MYO10: variants seen among roughly 807,000 people sequenced by gnomAD.
MYO10 encodes the protein myosin X, also known as unconventional myosin-X.
In MYO10, 133 loss-of-function variants were observed where a neutral mutation model predicts 257.3. The ratio of observed to expected loss-of-function variants is 0.52; its 90% CI spans 0.45 to 0.60. The LOEUF (loss-of-function observed/expected upper bound fraction) is 0.60. MYO10 is among the 20% of genes least tolerant of loss of function. The pLI, the probability that MYO10 is intolerant of heterozygous loss-of-function variation, is 0.00. For synonymous variants in MYO10, 1,104 were observed against 1,028.6 expected, an observed-to-expected ratio of 1.07 and a Z score of -1.40; for missense variants, 2,399 against 2,635.7, an observed-to-expected ratio of 0.91 and a Z score of 1.97.
At chr5:16,903,327 C>T (rs985871472) in intron 1 of MYO10, among the ~76,000 whole-genome samples, 2 of 152,194 alleles carry the variant, frequency 1.3e-5, no homozygotes, top group African/African-American at 4.8e-5. Flanking sequence ...ATCACTTGAA[C>T]CTGGGAGGCG....
Position 16,701,002 on chromosome 5 carries a change from C to T in MYO10, c.3393G>A (p.Ser1131=), listed in dbSNP as rs374205465. 46 of 1,560,054 alleles carry T rather than the reference C, an allele frequency of 2.9e-5. No individual in the cohort carries two copies. Among genetic ancestry groups the T allele is most frequent in the African/African-American group, 1.4e-4 (10 of 73,412 alleles). Residue 1131 remains serine (S), a synonymous_variant, in exon 25 of 41, where the codon TCG becomes TCA. Transcript: ENST00000513610. The surrounding 1 kb of genome is among the most constrained non-coding windows in gnomAD (Gnocchi z 8.1). Reference sequence around the variant, plus strand: ...CCTCAGAGCTGAACCGGTAGGCACCCGAGCTGTTGTAGGTCCCCACAGAGC... The same window carrying T: ...CCTCAGAGCTGAACCGGTAGGCACCTGAGCTGTTGTAGGTCCCCACAGAGC... The part of the protein sequence containing the change: ...YRCSVGTYNS[S]GAYRFSSEGA...
At chr5:16,882,049 A>G (rs1349116258) in intron 1 of MYO10, among the ~76,000 whole-genome samples, 1 of 152,226 alleles carries the variant, frequency 6.6e-6, no homozygotes, top group African/African-American at 2.4e-5. Context: ...AATTTCTGAG[A>G]CAAATATGTG....
chr5:16,780,071 T>G (rs1015529298), intron 8 of MYO10, among the ~76,000 whole-genome samples: 2 of 152,020 alleles, frequency 1.3e-5, no homozygotes, highest in African/African-American at 4.8e-5. Flanking sequence ...CTGGCTAATT[T>G]TTGTGTTTTT....
intron 27 of MYO10, among the ~76,000 whole-genome samples, chr5:16,693,592 C>T (rs1737605450): frequency 6.6e-6 from 1 of 152,208 alleles, no homozygotes; most frequent in Non-Finnish European, 1.5e-5. Flanking sequence ...ACTTTTAAGG[C>T]TCCTGACTTC....
chr5:16,669,411 A>G (rs576580522), intron 39 of MYO10, among the ~76,000 whole-genome samples: 12 of 152,134 alleles, frequency 7.9e-5, no homozygotes, highest in East Asian at 1.9e-4. Flanking sequence ...TCACCGTGTT[A>G]GCCAGGATGG....
At chr5:16,833,815 AGAGT>A (rs1239094084) in intron 2 of MYO10, among the ~76,000 whole-genome samples, 2 of 152,234 alleles carry the variant, frequency 1.3e-5, no homozygotes, top group African/African-American at 4.8e-5. Context: ...TAGTGCAAAC[AGAGT>A]GAGATCATGC....
intron 19 of MYO10, among the ~76,000 whole-genome samples, chr5:16,714,919 G>A (rs1018968776): frequency 6.6e-6 from 1 of 152,156 alleles, no homozygotes; most frequent in Admixed American, 6.6e-5. Context: ...ACAACAGGGT[G>A]ACTATAGCCA....
At chr5:16,872,698 A>G (rs1041337871) in intron 2 of MYO10, among the ~76,000 whole-genome samples, 1 of 152,216 alleles carries the variant, frequency 6.6e-6, no homozygotes, top group African/African-American at 2.4e-5. Flanking sequence ...TTGGACTTAC[A>G]GTTCCACATG....
intron 2 of MYO10, among the ~76,000 whole-genome samples, chr5:16,842,493 G>A (rs994616773): frequency 1.1e-4 from 17 of 152,302 alleles, no homozygotes; most frequent in African/African-American, 3.8e-4. Context: ...TCATCACTAC[G>A]AGATGTGGCC....
intron 2 of MYO10, among the ~76,000 whole-genome samples, chr5:16,851,732 A>G (rs534430484): frequency 3.2e-4 from 49 of 152,342 alleles, no homozygotes; most frequent in African/African-American, 1.2e-3. Context: ...TATATAAATT[A>G]GGATATCACT....
At chr5:16,819,512 C>A (rs777978362) in intron 2 of MYO10, among the ~76,000 whole-genome samples, 46 of 151,942 alleles carry the variant, frequency 3.0e-4, no homozygotes, top group Non-Finnish European at 6.3e-4. Flanking sequence ...TTTTTAAATA[C>A]TTGGATTACA....
intron 1 of MYO10, among the ~76,000 whole-genome samples, chr5:16,921,673 G>A (rs1028437960): frequency 2.0e-5 from 3 of 151,554 alleles, no homozygotes; most frequent in Admixed American, 6.6e-5. Context: ...AGATGAGGAA[G>A]ATCGAAAAAA....
chr5:16,828,638 A>G (rs992954558), intron 2 of MYO10, among the ~76,000 whole-genome samples: 3 of 146,858 alleles, frequency 2.0e-5, no homozygotes, highest in Non-Finnish European at 3.0e-5. Context: ...AAAAAAAAAA[A>G]GCAAAGAATC....
At chr5:16,812,910 T>C (rs1742483685) in intron 3 of MYO10, among the ~76,000 whole-genome samples, 1 of 149,796 alleles carries the variant, frequency 6.7e-6, no homozygotes. Context: ...CTAACTTGAC[T>C]ATTCTGGGTG....
At chr5:16,890,235 T>C (rs965489931) in intron 1 of MYO10, among the ~76,000 whole-genome samples, 1 of 151,836 alleles carries the variant, frequency 6.6e-6, no homozygotes, top group Admixed American at 6.5e-5. Context: ...TGACACATAA[T>C]GTGTTGGCAA....
At chr5:16,784,519 C>G (rs141429765) in intron 4 of MYO10, among the ~76,000 whole-genome samples, 203 of 152,276 alleles carry the variant, frequency 1.3e-3, no homozygotes, top group African/African-American at 4.7e-3. Context: ...GAGACTTGAA[C>G]GGAGAAACCC....
At chr5:16,838,717 G>A (rs1457258808) in intron 2 of MYO10, among the ~76,000 whole-genome samples, 3 of 152,174 alleles carry the variant, frequency 2.0e-5, no homozygotes, top group Non-Finnish European at 4.4e-5. Context: ...AATTAAAGAG[G>A]AGAACTCAAG....
At chr5:16,776,271 T>C (rs750037646) in intron 9 of MYO10, among the ~76,000 whole-genome samples, 33 of 151,904 alleles carry the variant, frequency 2.2e-4, no homozygotes, top group Non-Finnish European at 4.4e-4. Context: ...TATATTTTCC[T>C]CCCTCTTTCC....
intron 19 of MYO10, among the ~76,000 whole-genome samples, chr5:16,744,486 C>T (rs985526207): frequency 6.6e-5 from 10 of 152,152 alleles, no homozygotes; most frequent in Admixed American, 2.0e-4. Flanking sequence ...GATACCCTTC[C>T]CATGCCAACG....
Sources: gnomAD v4.1 joint callset for allele counts (sites outside exome capture counted in the v4.1 genomes callset) on GRCh38, gnomAD v4.1.1 for gene constraint, Gnocchi (gnomAD v3.1) non-coding constraint, MANE v1.5 for transcripts, NCBI Gene and HGNC (gene_info 2026-07-23, HGNC 2026-07-21) for gene names.